ZSCAN10: variants seen among roughly 807,000 people sequenced by gnomAD.
ZSCAN10 encodes the protein zinc finger and SCAN domain containing 10.
In ZSCAN10, 52 loss-of-function variants were observed where a neutral mutation model predicts 63.7. The ratio of observed to expected loss-of-function variants is 0.82; its 90% CI spans 0.65 to 1.03. The LOEUF is 1.03. Among genes scored for constraint, ZSCAN10 ranks in the 50% least tolerant of loss-of-function variants. The pLI is 0.00. For missense variants in ZSCAN10, 1,223 were observed against 1,103.8 expected (o/e 1.11, Z -1.53); for synonymous variants, 544 against 479.6 (o/e 1.13, Z -1.76).
At chr16:3,098,458 C>T (rs1227651855) in intron 1 of ZSCAN10, among the ~76,000 whole-genome samples, 1 of 151,968 alleles carries the variant, frequency 6.6e-6, no homozygotes, top group African/African-American at 2.4e-5. Context: ...TAGCCTTAGC[C>T]GAAATATCAC....
chr16:3,091,459 A>G, intron 5 of ZSCAN10, 81 bp downstream of exon 5: 1 of 1,497,914 alleles, frequency 6.7e-7, no homozygotes. Context: ...CCTGGGCAAC[A>G]TAGCGAGATT....
chr16:3,099,008 T>C (rs1298434981), intron 1 of ZSCAN10, among the ~76,000 whole-genome samples, 182 bp downstream of exon 1: 1 of 152,146 alleles, frequency 6.6e-6, no homozygotes, highest in Non-Finnish European at 1.5e-5. Flanking sequence ...AACGCCCCCA[T>C]CGCGACAGGT....
At chr16:3,091,031 C>A (rs547607142) in intron 5 of ZSCAN10, among the ~76,000 whole-genome samples, 42 of 152,104 alleles carry the variant, frequency 2.8e-4, no homozygotes, top group African/African-American at 9.6e-4. Flanking sequence ...GATGGTTCCA[C>A]TGCACTCCAG....
At chr16:3,095,438 A>G (rs1596288530) in intron 1 of ZSCAN10, among the ~76,000 whole-genome samples, 2 of 150,362 alleles carry the variant, frequency 1.3e-5, no homozygotes, top group Admixed American at 1.3e-4. Context: ...AGTGGCGTGA[A>G]CCCCGGAGGC....
chr16:3,092,345 C>A (rs1957093824), intron 2 of ZSCAN10, 29 bp from the exon 3 acceptor site: 1 of 1,566,572 alleles, frequency 6.4e-7, no homozygotes. Context: ...AGTTAAGTGA[C>A]TCCCGGGGTG....
chr16:3,090,560 A>C lies in ZSCAN10; in HGVS notation c.874T>G (p.Ser292Ala). 1 of 1,605,220 alleles carries C rather than the reference A, an allele frequency of 6.2e-7. No individual in the cohort carries two copies. The highest frequency in any genetic ancestry group is 2.2e-5 in the East Asian group (1 of 44,586). Residue 292 changes from serine (S) to alanine (A), a missense_variant, in exon 6 of 6, where the codon TCC becomes GCC. Physicochemically the swap from Ser to Ala is moderately conservative, Grantham distance 99. Coordinates refer to ENST00000576985, the MANE Select transcript of ZSCAN10 (RefSeq NM_032805.3). ...GGCACCCCAGGACTATCTGCCTGGG[A>C]CTCTGCTAAGATGGGAGTGGGCCAG... ...AAWPTPILAE[S>A]QADSPGVPGE...
Position 3,090,356 on chromosome 16 carries a change from A to C in ZSCAN10, c.1078T>G (p.Ser360Ala). Reference protein sequence around the residue: ...ADCGVSFPQLSRLKAHQLRSH... With the variant: ...ADCGVSFPQLARLKAHQLRSH... ...CGCAGCTGGTGCGCCTTCAGGCGAG[A>C]CAGCTGCGGGAAGCTCACCCCGCAG... The change falls in exon 6 of 6, where the codon TCT becomes GCT. Residue 360 changes from serine (S) to alanine (A), a missense_variant. Transcript: ENST00000576985. The C allele has an allele frequency of 6.2e-7, 1 of 1,612,060 alleles. No individual in the cohort carries two copies. The highest frequency in any genetic ancestry group is 8.5e-7 in the Non-Finnish European group (1 of 1,179,184).
intron 1 of ZSCAN10, among the ~76,000 whole-genome samples, chr16:3,093,965 G>A (rs1416412746): frequency 6.6e-6 from 1 of 151,986 alleles, no homozygotes; most frequent in Non-Finnish European, 1.5e-5. Context: ...AGATTAAGGC[G>A]TGAACCACTG....
chr16:3,098,565 G>C (rs1321431045), intron 1 of ZSCAN10, among the ~76,000 whole-genome samples: 2 of 152,058 alleles, frequency 1.3e-5, no homozygotes, highest in African/African-American at 2.4e-5. Flanking sequence ...TCTCCAAAAG[G>C]TTTCAAAGAG....
intron 1 of ZSCAN10, among the ~76,000 whole-genome samples, chr16:3,096,844 G>T (rs1382754909): frequency 6.6e-6 from 1 of 151,566 alleles, no homozygotes; most frequent in East Asian, 1.9e-4. Flanking sequence ...GAGGAGAATT[G>T]CTTGAACCTG....
At position 3,092,951 on chromosome 16, in the gene ZSCAN10, G is replaced by A; in HGVS notation, c.-14C>T. ...TTCTCCAAGCATCCTTCACTGCGGG[G>A]ATGCCTCCCTAACGCCAGCCCCGCT... is the stretch of plus-strand genomic sequence containing the variant. On this transcript the variant is annotated 5_prime_UTR_variant, in exon 2 of 6. Transcript: ENST00000576985. 7.1e-7 allele frequency: 1 copy of A among 1,414,282 alleles called. No homozygotes were observed. Among genetic ancestry groups the A allele is most frequent in the Non-Finnish European group, 9.2e-7 (1 of 1,086,626 alleles). The allele number at this position is 1,414,282 out of a possible 1,614,324, so 87.6% of individuals were successfully genotyped here.
chr16:3,088,986 G>A lies in ZSCAN10; in HGVS notation c.*105C>T. ...GGGAAGGACAGCTGTGAAAGTGGAA[G>A]GAGAGGGAAGTGGGGTGTGGTGGGA... is the stretch of plus-strand genomic sequence containing the variant. On this transcript the variant is annotated 3_prime_UTR_variant, in exon 6 of 6. Coordinates refer to ENST00000576985, the MANE Select transcript of ZSCAN10 (RefSeq NM_032805.3). The A allele has an allele frequency of 7.2e-7, 1 of 1,380,424 alleles. No homozygotes were observed. The highest frequency in any genetic ancestry group is 9.3e-7 in the Non-Finnish European group (1 of 1,074,470). The allele number at this position is 1,380,424 out of a possible 1,614,324, so 85.5% of individuals were successfully genotyped here.
At chr16:3,091,515 A>G in intron 5 of ZSCAN10, 25 bp downstream of exon 5, 9 of 1,613,392 alleles carry the variant, frequency 5.6e-6, no homozygotes, top group Non-Finnish European at 7.6e-6. Flanking sequence ...ATCAGTGGTC[A>G]CTTCTCCAGG....
chr16:3,098,071 GAAAGA>G (rs1218026527), intron 1 of ZSCAN10, among the ~76,000 whole-genome samples: 49 of 135,298 alleles, frequency 3.6e-4, no homozygotes, highest in African/African-American at 1.0e-3. Context: ...AAGAAAGAAA[GAAAGA>G]AAAGAAAAGA....
chr16:3,091,410 G>C, intron 5 of ZSCAN10, 130 bp downstream of exon 5: 1 of 983,710 alleles, frequency 1.0e-6, no homozygotes, highest in Non-Finnish European at 1.6e-6. Flanking sequence ...TTGGGAGGCT[G>C]AGGTGGGAGG....
intron 2 of ZSCAN10, 63 bp from the exon 3 acceptor site, chr16:3,092,379 G>C: frequency 6.5e-7 from 1 of 1,537,510 alleles, no homozygotes; most frequent in Non-Finnish European, 8.8e-7. Flanking sequence ...TGACTCCGAG[G>C]GGACATGGGA....
At chr16:3,096,925 C>CAT in intron 1 of ZSCAN10, among the ~76,000 whole-genome samples, 1 of 132,120 alleles carries the variant, frequency 7.6e-6, no homozygotes, top group East Asian at 2.4e-4. Context: ...TTAGACTCTG[C>CAT]CTCAAAAAAA....
At chr16:3,091,291 T>A (rs1191637141) in intron 5 of ZSCAN10, among the ~76,000 whole-genome samples, 2 of 151,234 alleles carry the variant, frequency 1.3e-5, no homozygotes, top group African/African-American at 4.9e-5. Flanking sequence ...GCGAGTAACA[T>A]CCTGTTTCAA....
intron 1 of ZSCAN10, chr16:3,096,463 A>C (rs1957154497): frequency 6.6e-6 from 1 of 152,298 alleles, no homozygotes; most frequent in Non-Finnish European, 1.5e-5. Flanking sequence ...GGCACAGGGC[A>C]CTGTCCAGCA....
Sources: gnomAD v4.1 joint callset for allele counts (sites outside exome capture counted in the v4.1 genomes callset) on GRCh38, gnomAD v4.1.1 for gene constraint, MANE v1.5 for transcripts, NCBI Gene and HGNC (gene_info 2026-07-23, HGNC 2026-07-21) for gene names.